SLK: variants seen among roughly 807,000 people sequenced by gnomAD.
SLK encodes the protein STE20-like serine/threonine-protein kinase.
In SLK, 67 loss-of-function variants were observed where a neutral mutation model predicts 147.7. The observed-to-expected ratio is 0.45, with a 90% CI of 0.37 to 0.56. The LOEUF (loss-of-function observed/expected upper bound fraction) is 0.56. Among genes scored for constraint, SLK ranks in the 20% least tolerant of loss-of-function variants. The pLI, the probability that SLK is intolerant of heterozygous loss-of-function variation, is 0.00. For synonymous variants in SLK, 441 were observed against 475.0 expected, an observed-to-expected ratio of 0.93 and a Z score of 0.93; for missense variants, 1,136 against 1,438.8, an observed-to-expected ratio of 0.79 and a Z score of 3.41.
intron 1 of SLK, among the ~76,000 whole-genome samples, chr10:103,981,858 T>A (rs1380053267): frequency 6.6e-6 from 1 of 152,210 alleles, no homozygotes; most frequent in East Asian, 1.9e-4. Context: ...TTTCTATTAC[T>A]GCAAAAAATG....
Position 103,990,667 on chromosome 10 carries a change from A to G in SLK, c.151-8A>G, listed in dbSNP as rs1844080417. Reference sequence around the variant, plus strand: ...GAAATGTGACACTTCTGATACTTTCATTTTCAGGCCCAGAATAAAGAGACC... The same window carrying G: ...GAAATGTGACACTTCTGATACTTTCGTTTTCAGGCCCAGAATAAAGAGACC... On this transcript the variant is annotated splice_region_variant and splice_polypyrimidine_tract_variant and intron_variant, in intron 1 of 18. Transcript: ENST00000369755. 2 of 1,520,308 alleles carry G rather than the reference A, an allele frequency of 1.3e-6. No individual in the cohort carries two copies. The highest frequency in any genetic ancestry group is 1.4e-5 in the African/African-American group (1 of 69,582). 94.2% of individuals were successfully genotyped at this position (1,520,308 alleles called of 1,614,324 possible). A position where few individuals can be genotyped will look rare whatever the true frequency, so the allele number is the denominator to read the frequency against.
At position 104,003,546 on chromosome 10, in the gene SLK, T is replaced by C. The variant is rs775661249; in HGVS notation, c.2349+19T>C. ...TTTACAAGTAAGTGTACATGAGTCA[T>C]TGTTTGGGTTTTCCTTTGCCATTTT... On this transcript the variant is annotated intron_variant, in intron 9 of 18. Transcript: ENST00000369755. 1.3e-6 allele frequency: 2 copies of C among 1,515,522 alleles called. No homozygotes were observed. The highest frequency in any genetic ancestry group is 1.8e-6 in the Non-Finnish European group (2 of 1,134,496). The allele number at this position is 1,515,522 out of a possible 1,614,324, so 93.9% of individuals were successfully genotyped here. A position where few individuals can be genotyped will look rare whatever the true frequency, so the allele number is the denominator to read the frequency against.
intron 6 of SLK, 146 bp downstream of exon 6, chr10:103,999,459 A>G (rs537331762): frequency 4.7e-6 from 3 of 639,898 alleles, no homozygotes; most frequent in Non-Finnish European, 5.3e-6. Context: ...GATTTTTGGT[A>G]TATTTCTCTT....
chr10:104,000,437 A>G (rs1227173878), intron 7 of SLK, among the ~76,000 whole-genome samples: 1 of 152,200 alleles, frequency 6.6e-6, no homozygotes, highest in Non-Finnish European at 1.5e-5. Flanking sequence ...CTGTTAGGTT[A>G]TTATGTAACT....
chr10:103,973,843 G>T (rs1843825317), intron 1 of SLK, among the ~76,000 whole-genome samples: 2 of 152,076 alleles, frequency 1.3e-5, no homozygotes, highest in African/African-American at 4.8e-5. Flanking sequence ...TTATTATAAG[G>T]TCACAACTTA....
Position 103,967,868 on chromosome 10 carries a change from C to T in SLK, c.123C>T (p.Gly41=). 2 of 1,611,294 alleles carry T rather than the reference C, an allele frequency of 1.2e-6. No individual in the cohort carries two copies. The highest frequency in any genetic ancestry group is 1.7e-6 in the Non-Finnish European group (2 of 1,178,996). Residue 41 remains glycine, a synonymous_variant, in exon 1 of 19, where the codon GGC becomes GGT. Transcript: ENST00000369755. ...EDFWEIIGEL[G]DGAFGKVYKA... is the part of the protein sequence containing the mutation. ...TTTGGGAGATTATAGGAGAACTGGGCGACGGAGCCTTTGGGAAAGTGTACA... is the reference window on the plus strand; with the variant it reads ...TTTGGGAGATTATAGGAGAACTGGGTGACGGAGCCTTTGGGAAAGTGTACA...
At chr10:104,025,453 G>A (rs1844585474) in intron 18 of SLK, 121 bp from the exon 19 acceptor site, 2 of 914,322 alleles carry the variant, frequency 2.2e-6, no homozygotes. Flanking sequence ...GAGCAGGCGT[G>A]TCTTCTTGAG....
At chr10:103,990,003 A>G (rs190898842) in intron 1 of SLK, among the ~76,000 whole-genome samples, 1 of 152,354 alleles carries the variant, frequency 6.6e-6, no homozygotes, top group African/African-American at 2.4e-5. Context: ...ATTCAGTGCT[A>G]AAAAGAAATG....
chr10:103,973,487 A>G (rs1240907143), intron 1 of SLK, among the ~76,000 whole-genome samples: 1 of 152,108 alleles, frequency 6.6e-6, no homozygotes, highest in East Asian at 1.9e-4. Context: ...TTCTATGTAC[A>G]TTTTCCAGTT....
chr10:104,024,470 C>T (rs1844572946), intron 18 of SLK, among the ~76,000 whole-genome samples: 1 of 152,206 alleles, frequency 6.6e-6, no homozygotes. Flanking sequence ...CTCCCACTAG[C>T]CACTTTGTTC....
intron 1 of SLK, among the ~76,000 whole-genome samples, chr10:103,973,515 C>CA (rs752435219): frequency 3.3e-5 from 5 of 152,140 alleles, no homozygotes; most frequent in Admixed American, 1.3e-4. Context: ...TTGAGTGCCA[C>CA]AAAAAATCTG....
At chr10:103,987,560 GACATTTATTTATTGAA>G (rs1298242354) in intron 1 of SLK, among the ~76,000 whole-genome samples, 1 of 152,038 alleles carries the variant, frequency 6.6e-6, no homozygotes, top group Non-Finnish European at 1.5e-5. Flanking sequence ...GTGAGATTTA[GACATTTATTTATTGAA>G]ACATTTATTA....
chr10:103,993,096 C>A lies in SLK; in HGVS notation c.477C>A (p.Gly159=), dbSNP rs774655079. The A allele has an allele frequency of 6.2e-7, 1 of 1,609,830 alleles. No homozygotes were observed. Among genetic ancestry groups the A allele is most frequent in the South Asian group, 1.1e-5 (1 of 90,358 alleles). ...NKIIHRDLKA[G]NILFTLDGDI... The stretch of plus-strand genomic sequence containing the variant: ...TCATCCACAGAGATCTGAAGGCTGG[C>A]AACATTCTCTTTACCTTAGATGGAG... The change falls in exon 4 of 19, where the codon GGC becomes GGA. Residue 159 remains glycine, a synonymous_variant. Coordinates refer to ENST00000369755, the MANE Select transcript of SLK (RefSeq NM_014720.4).
At chr10:104,021,791 A>G (rs1844538275) in intron 18 of SLK, 58 bp downstream of exon 18, 5 of 903,758 alleles carry the variant, frequency 5.5e-6, no homozygotes, top group South Asian at 2.9e-5. Context: ...CTACCCAGCT[A>G]TTGGCTCTTT....
At chr10:104,021,472 C>T (rs988279309) in intron 17 of SLK, 148 bp from the exon 18 acceptor site, 9 of 541,936 alleles carry the variant, frequency 1.7e-5, no homozygotes, top group Non-Finnish European at 3.0e-5. Flanking sequence ...TTTCCTAATT[C>T]ATGGCCCTTG....
chr10:104,005,732 T>A, intron 10 of SLK, 41 bp downstream of exon 10: 3 of 1,579,948 alleles, frequency 1.9e-6, no homozygotes, highest in Non-Finnish European at 2.6e-6. Flanking sequence ...GTTTGTGACT[T>A]CTTTTCAGTC....
At chr10:104,017,037 C>A (rs1844473673) in intron 13 of SLK, among the ~76,000 whole-genome samples, 1 of 152,130 alleles carries the variant, frequency 6.6e-6, no homozygotes, top group African/African-American at 2.4e-5. Flanking sequence ...GGATGCTGTT[C>A]CTTTTCTTCT....
In SLK at chr10:103,967,693, C is replaced by T; in HGVS notation, c.-53C>T. 1.3e-6 allele frequency: 2 copies of T among 1,564,572 alleles called. No individual in the cohort carries two copies. The highest frequency in any genetic ancestry group is 1.2e-5 in the South Asian group (1 of 86,818). ...GGGAGAGCAGGGAAGAGAAACTTTG[C>T]CTTTTATTGTTTTTAGTCCTTAAGT... On this transcript the variant is annotated 5_prime_UTR_variant, in exon 1 of 19. Transcript: ENST00000369755.
chr10:103,976,354 T>C (rs77013742), intron 1 of SLK, among the ~76,000 whole-genome samples: 4,740 of 152,284 alleles, frequency 0.031, 98 homozygotes, highest in Non-Finnish European at 0.049. Flanking sequence ...GTTGTACCAA[T>C]TTACACTCCC....
Sources: gnomAD v4.1 joint callset for allele counts (sites outside exome capture counted in the v4.1 genomes callset) on GRCh38, gnomAD v4.1.1 for gene constraint, MANE v1.5 for transcripts, NCBI Gene and HGNC (gene_info 2026-07-23, HGNC 2026-07-21) for gene names.